Variants in INPP4B observed in about 807,000 individuals in gnomAD.
INPP4B encodes the protein inositol polyphosphate-4-phosphatase type II B.
In INPP4B, 55 loss-of-function variants were observed where a neutral mutation model predicts 122.5. That is an observed-to-expected ratio of 0.45 (90% CI 0.36 to 0.56). INPP4B has a LOEUF of 0.56. INPP4B is among the 20% of genes least tolerant of loss of function. The probability of loss-of-function intolerance (pLI) is 0.00; values close to 1 mark genes in which losing one functional copy is unlikely to be tolerated. For synonymous variants in INPP4B, 403 were observed against 388.7 expected (o/e 1.04, Z -0.43); for missense variants, 1,000 against 1,097.7 (o/e 0.91, Z 1.26).
chr4:142,829,499 TC>T (rs1233879996), intron 1 of INPP4B, among the ~76,000 whole-genome samples: 1 of 152,152 alleles, frequency 6.6e-6, no homozygotes, highest in Admixed American at 6.6e-5. Context: ...CAGTGACTTC[TC>T]CCTCACTTAG....
intron 2 of INPP4B, among the ~76,000 whole-genome samples, chr4:142,464,363 C>T (rs1464973451): frequency 2.0e-5 from 3 of 151,754 alleles, no homozygotes; most frequent in African/African-American, 7.3e-5. Flanking sequence ...ACCATTGTAC[C>T]TCATTTGAAA....
chr4:142,453,658 T>G (rs1814783485), intron 3 of INPP4B, among the ~76,000 whole-genome samples: 1 of 152,168 alleles, frequency 6.6e-6, no homozygotes, highest in African/African-American at 2.4e-5. Context: ...CTTTCCCTAT[T>G]GTCTACTGCA....
At chr4:142,439,077 G>A (rs955595917) in intron 3 of INPP4B, among the ~76,000 whole-genome samples, 8 of 152,010 alleles carry the variant, frequency 5.3e-5, no homozygotes, top group African/African-American at 1.2e-4. Flanking sequence ...TCTGAGCCTC[G>A]AGCCTCCATG....
intron 2 of INPP4B, among the ~76,000 whole-genome samples, chr4:142,692,208 T>C (rs888255901): frequency 6.6e-6 from 1 of 152,176 alleles, no homozygotes; most frequent in Admixed American, 6.5e-5. Context: ...TGAAGTTCCT[T>C]GTGCTCCTTC....
At chr4:142,808,084 A>G (rs2151113312) in intron 1 of INPP4B, among the ~76,000 whole-genome samples, 1 of 150,916 alleles carries the variant, frequency 6.6e-6, no homozygotes, top group South Asian at 2.1e-4. Flanking sequence ...CCTGTTATTC[A>G]TTGACCTTCA....
intron 1 of INPP4B, among the ~76,000 whole-genome samples, chr4:142,786,048 A>G (rs1775717398): frequency 1.3e-5 from 2 of 152,142 alleles, no homozygotes; most frequent in South Asian, 4.1e-4. Context: ...ATATATAAAC[A>G]TATTTCTTTT....
At chr4:142,137,304 A>C (rs1449137909) in intron 18 of INPP4B, among the ~76,000 whole-genome samples, 2 of 144,708 alleles carry the variant, frequency 1.4e-5, no homozygotes, top group African/African-American at 5.2e-5. Flanking sequence ...CTATTTAATA[A>C]ATGGTGCTGG....
chr4:142,392,553 C>G (rs1336378417), intron 7 of INPP4B, among the ~76,000 whole-genome samples: 1 of 152,176 alleles, frequency 6.6e-6, no homozygotes, highest in Non-Finnish European at 1.5e-5. Flanking sequence ...TAACCCACAT[C>G]ATGGGTTAAA....
chr4:142,069,676 A>G (rs1765816128), intron 25 of INPP4B, among the ~76,000 whole-genome samples: 2 of 152,230 alleles, frequency 1.3e-5, no homozygotes, highest in Admixed American at 1.3e-4. Context: ...CCACAGAAAT[A>G]CAAACACTAT....
chr4:142,840,946 T>C (rs1274948931), intron 1 of INPP4B, among the ~76,000 whole-genome samples: 1 of 152,068 alleles, frequency 6.6e-6, no homozygotes, highest in East Asian at 1.9e-4. Context: ...GATTAGTTAA[T>C]ATAAAAAATT....
At chr4:142,188,476 G>C (rs1464078090) in intron 15 of INPP4B, among the ~76,000 whole-genome samples, 1 of 106,740 alleles carries the variant, frequency 9.4e-6, no homozygotes, top group African/African-American at 3.6e-5. Context: ...GACAGAGTGA[G>C]ACTCCATCTC....
chr4:142,268,349 A>AAAAAAAAAAAAAAAAGG (rs1579529886), intron 10 of INPP4B, among the ~76,000 whole-genome samples: 3 of 142,880 alleles, frequency 2.1e-5, no homozygotes, highest in African/African-American at 5.1e-5. Flanking sequence ...AAAAAAAATG[A>AAAAAAAAAAAAAAAAGG]GGGGTAAGTA....
chr4:142,615,903 T>C (rs771044180), intron 2 of INPP4B, among the ~76,000 whole-genome samples: 2 of 152,022 alleles, frequency 1.3e-5, no homozygotes, highest in African/African-American at 2.4e-5. Flanking sequence ...AAAAGCCATA[T>C]TAATAGGAGA....
chr4:142,759,364 G>A (rs541274781), intron 1 of INPP4B, among the ~76,000 whole-genome samples: 2 of 152,196 alleles, frequency 1.3e-5, no homozygotes, highest in South Asian at 4.1e-4. Flanking sequence ...ACATTAAAAT[G>A]GTTCTTTCAA....
intron 3 of INPP4B, among the ~76,000 whole-genome samples, chr4:142,437,741 T>C (rs865900901): frequency 3.3e-4 from 50 of 152,108 alleles, no homozygotes; most frequent in African/African-American, 1.1e-3. Context: ...GAAAATACTA[T>C]AAACACCTCT....
intron 2 of INPP4B, among the ~76,000 whole-genome samples, chr4:142,475,170 T>C (rs1819598304): frequency 6.6e-6 from 1 of 151,774 alleles, no homozygotes; most frequent in Non-Finnish European, 1.5e-5. Flanking sequence ...ATAGAGACAA[T>C]AACTGGAGGG....
At chr4:142,512,901 C>A (rs561362522) in intron 2 of INPP4B, among the ~76,000 whole-genome samples, 8 of 152,228 alleles carry the variant, frequency 5.3e-5, no homozygotes, top group African/African-American at 1.9e-4. Context: ...CCCACCACCA[C>A]GGTAACTATA....
At chr4:142,300,062 A>C (rs573020298) in intron 9 of INPP4B, among the ~76,000 whole-genome samples, 1 of 152,310 alleles carries the variant, frequency 6.6e-6, no homozygotes, top group Non-Finnish European at 1.5e-5. Flanking sequence ...AAGTCTAAGA[A>C]TGTTTTATTT....
chr4:142,271,688 T>C (rs1369532019), intron 9 of INPP4B, among the ~76,000 whole-genome samples: 1 of 152,134 alleles, frequency 6.6e-6, no homozygotes, highest in Non-Finnish European at 1.5e-5. Flanking sequence ...ATAAAGAAAC[T>C]GAGACTCAAA....
Sources: allele counts gnomAD v4.1 joint callset (sites outside exome capture counted in the v4.1 genomes callset), GRCh38; gene constraint gnomAD v4.1.1; transcripts MANE v1.5; gene names NCBI Gene and HGNC (gene_info 2026-07-23, HGNC 2026-07-21).